The following POLR3G variants were observed in gnomAD, a reference collection of about 807,000 sequenced individuals.
POLR3G encodes the protein DNA-directed RNA polymerase III subunit RPC7.
In POLR3G, 28 loss-of-function variants were observed where a neutral mutation model predicts 30.1. The observed-to-expected ratio is 0.93, with a 90% CI of 0.69 to 1.27. POLR3G has a LOEUF of 1.27. Ranked by LOEUF, POLR3G falls within the 50% of genes most tolerant of loss-of-function variation. The pLI is 0.00. For synonymous variants in POLR3G, 79 were observed against 82.5 expected, an observed-to-expected ratio of 0.96 and a Z score of 0.23; for missense variants, 254 against 264.6, an observed-to-expected ratio of 0.96 and a Z score of 0.28.
chr5:90,483,913 G>A (rs1751279034), intron 1 of POLR3G, among the ~76,000 whole-genome samples: 1 of 152,104 alleles, frequency 6.6e-6, no homozygotes, highest in Non-Finnish European at 1.5e-5. Flanking sequence ...ATATTTTTAA[G>A]TTGCTAAGGC....
chr5:90,474,069 C>A (rs373507317), upstream of POLR3G: 50 of 1,576,338 alleles, frequency 3.2e-5, no homozygotes, highest in Middle Eastern at 1.3e-3. Context: ...AAGCAGTGGC[C>A]GGCGCGCCGC....
At chr5:90,474,436 C>A, upstream of POLR3G, 6 of 732,776 alleles carry the variant, frequency 8.2e-6, no homozygotes, top group Non-Finnish European at 1.1e-5. Flanking sequence ...GCGTGGGATG[C>A]GGGGGTCGGA....
chr5:90,477,906 C>T (rs1215863982), intron 1 of POLR3G, among the ~76,000 whole-genome samples: 1 of 152,192 alleles, frequency 6.6e-6, no homozygotes, highest in Non-Finnish European at 1.5e-5. Flanking sequence ...CATTTAGTTA[C>T]TTGGTGTACA....
At chr5:90,474,095 T>C (rs756087209), upstream of POLR3G, 19 of 1,575,338 alleles carry the variant, frequency 1.2e-5, no homozygotes, top group South Asian at 9.2e-5. Flanking sequence ...CTTTGGCCTC[T>C]CGGTCCTGCA....
intron 6 of POLR3G, among the ~76,000 whole-genome samples, chr5:90,505,593 C>CT (rs1226392895): frequency 2.6e-5 from 4 of 152,152 alleles, no homozygotes; most frequent in Non-Finnish European, 2.9e-5. Flanking sequence ...TTTGTCTTCT[C>CT]TTTTAGAATT....
intron 7 of POLR3G, among the ~76,000 whole-genome samples, chr5:90,508,086 T>A (rs1356857537): frequency 6.6e-6 from 1 of 152,338 alleles, no homozygotes; most frequent in East Asian, 1.9e-4. Flanking sequence ...TCACAGAAAT[T>A]GATGCCCCTC....
chr5:90,489,108 T>C (rs1004771249), intron 3 of POLR3G, among the ~76,000 whole-genome samples: 1 of 152,112 alleles, frequency 6.6e-6, no homozygotes, highest in African/African-American at 2.4e-5. Context: ...TTGAATTGGC[T>C]GAGTCAAAAA....
chr5:90,485,527 C>A lies in POLR3G; in HGVS notation c.-41C>A. The A allele has an allele frequency of 1.5e-6, 2 of 1,338,384 alleles. No individual in the cohort carries two copies. Among genetic ancestry groups the A allele is most frequent in the Non-Finnish European group, 1.1e-6 (1 of 945,684 alleles). The allele number at this position is 1,338,384 out of a possible 1,614,324, so 82.9% of individuals were successfully genotyped here. On this transcript the variant is annotated splice_region_variant and 5_prime_UTR_variant, in exon 2 of 8. Transcript: ENST00000651687. Reference sequence around the variant, plus strand: ...CAGTAAATCGTAATCATTAATAGTGCCTTTCAGAATTTGCCCACTCATCTG... The same window carrying A: ...CAGTAAATCGTAATCATTAATAGTGACTTTCAGAATTTGCCCACTCATCTG...
chr5:90,501,588 T>C (rs1752248106), intron 5 of POLR3G, among the ~76,000 whole-genome samples: 1 of 152,174 alleles, frequency 6.6e-6, no homozygotes, highest in Non-Finnish European at 1.5e-5. Context: ...TTGGTACTTC[T>C]CTATCTGAGG....
At chr5:90,476,186 A>G (rs955099886) in intron 1 of POLR3G, among the ~76,000 whole-genome samples, 3 of 152,124 alleles carry the variant, frequency 2.0e-5, no homozygotes, top group African/African-American at 7.2e-5. Flanking sequence ...CTCCTTTCCT[A>G]CCCTCCTAAA....
chr5:90,478,704 G>A (rs34811985), intron 1 of POLR3G, among the ~76,000 whole-genome samples: 18 of 151,088 alleles, frequency 1.2e-4, no homozygotes, highest in Admixed American at 7.9e-4. Context: ...CTACAGGCGC[G>A]TGCCACCATG....
chr5:90,475,603 A>G (rs1444330297), intron 1 of POLR3G, among the ~76,000 whole-genome samples: 1 of 152,138 alleles, frequency 6.6e-6, no homozygotes, highest in Non-Finnish European at 1.5e-5. Flanking sequence ...GGAAAAGTGA[A>G]TAATGACTGG....
In POLR3G at chr5:90,488,034, GAGA is replaced by G. The variant is rs999555949; in HGVS notation, c.155_157del (p.Glu52del). On this transcript the variant is annotated inframe_deletion, in exon 3 of 8. Transcript: ENST00000651687. ...TATAAACCAGTGCCACTGAAAACAG[GAGA>G]AGGTGAAGAATATATGCTGGCTTTG... 1.2e-6 allele frequency: 2 copies of G among 1,609,748 alleles called. No homozygotes were observed. Among genetic ancestry groups the G allele is most frequent in the African/African-American group, 1.3e-5 (1 of 74,712 alleles).
At chr5:90,477,172 T>G (rs1750870473) in intron 1 of POLR3G, among the ~76,000 whole-genome samples, 1 of 151,910 alleles carries the variant, frequency 6.6e-6, no homozygotes, top group South Asian at 2.1e-4. Context: ...CCATGTAGGG[T>G]GGAAGAAATT....
upstream of POLR3G, chr5:90,474,382 G>A: frequency 2.4e-6 from 3 of 1,236,278 alleles, no homozygotes; most frequent in East Asian, 2.4e-5. Context: ...GCTGTGTGAA[G>A]CGGTCTGCCT....
intron 4 of POLR3G, among the ~76,000 whole-genome samples, chr5:90,496,451 G>A (rs1580210324): frequency 6.6e-6 from 1 of 152,222 alleles, no homozygotes; most frequent in East Asian, 1.9e-4. Context: ...TTTAAGCCAA[G>A]CTCATGGATC....
At chr5:90,510,703 C>T (rs948171561) in intron 7 of POLR3G, among the ~76,000 whole-genome samples, 2 of 151,990 alleles carry the variant, frequency 1.3e-5, no homozygotes, top group Admixed American at 6.6e-5. Flanking sequence ...AAAAGCCAGG[C>T]CAACTTTCCA....
intron 2 of POLR3G, among the ~76,000 whole-genome samples, chr5:90,486,404 T>G (rs1256022843): frequency 6.6e-6 from 1 of 152,236 alleles, no homozygotes; most frequent in African/African-American, 2.4e-5. Flanking sequence ...CTCTAAACAC[T>G]GGGGATGTTA....
intron 6 of POLR3G, 121 bp from the exon 7 acceptor site, chr5:90,506,407 C>T: frequency 1.5e-6 from 2 of 1,342,286 alleles, no homozygotes; most frequent in Non-Finnish European, 2.0e-6. Context: ...AGGTGGTAGC[C>T]AGGAGGTGGT....
Sources: gnomAD v4.1 joint callset for allele counts (sites outside exome capture counted in the v4.1 genomes callset) on GRCh38, gnomAD v4.1.1 for gene constraint, MANE v1.5 for transcripts, NCBI Gene and HGNC (gene_info 2026-07-23, HGNC 2026-07-21) for gene names.